Variants in ZC3H14 observed in about 807,000 individuals in gnomAD.
The protein encoded by ZC3H14 is zinc finger CCCH-type containing 14, also known as zinc finger CCCH domain-containing protein 14.
A neutral mutation model predicts 92.4 loss-of-function variants in ZC3H14; 31 were observed. The observed-to-expected ratio is 0.34, with a 90% CI of 0.25 to 0.45. The LOEUF (loss-of-function observed/expected upper bound fraction) is 0.45, where lower values mean the gene tolerates loss of function less well. Ranked by LOEUF, ZC3H14 falls within the 20% of genes least tolerant of loss-of-function variation. ZC3H14 has a pLI of 1.00. For missense variants in ZC3H14, 781 were observed against 897.3 expected (o/e 0.87, Z 1.66); for synonymous variants, 321 against 300.9 (o/e 1.07, Z -0.69).
intron 9 of ZC3H14, among the ~76,000 whole-genome samples, chr14:88,586,919 T>C (rs1254044950): frequency 1.3e-5 from 2 of 152,184 alleles, no homozygotes; most frequent in Admixed American, 6.5e-5. Flanking sequence ...TGTTTCTTTC[T>C]CCGTGTTGTA....
chr14:88,568,130 C>G lies in ZC3H14; in HGVS notation c.171C>G (p.Asn57Lys), dbSNP rs764670721. Residue 57 changes from asparagine to lysine, a missense_variant, in exon 3 of 17, where the codon AAC becomes AAG. Asn to Lys is a moderately conservative substitution (Grantham distance 94). Around this residue, in one of 3 missense-constraint regions of ZC3H14, gnomAD observed 106 missense variants for 154.2 expected, o/e 0.69. Transcript: ENST00000251038. ...MTEDLSLFLGNNTIRFTVWLH... is the reference protein window; with the variant it reads ...MTEDLSLFLGKNTIRFTVWLH... Reference sequence around the variant, plus strand: ...AGGATCTGTCCCTGTTTCTAGGGAACAACACAATTCGATTCACCGTATGGT... The same window carrying G: ...AGGATCTGTCCCTGTTTCTAGGGAAGAACACAATTCGATTCACCGTATGGT... 3.7e-6 allele frequency: 6 copies of G among 1,614,072 alleles called. No individual in the cohort carries two copies. The highest frequency in any genetic ancestry group is 5.1e-6 in the Non-Finnish European group (6 of 1,179,940).
At chr14:88,603,274 G>A (rs934663597) in intron 12 of ZC3H14, among the ~76,000 whole-genome samples, 5 of 152,044 alleles carry the variant, frequency 3.3e-5, no homozygotes, top group African/African-American at 1.2e-4. Flanking sequence ...GTTTGAAAAC[G>A]GAGTTCAGCC....
rs549961281 is a variant in ZC3H14, at chr14:88,571,228, G to T, written c.235+104G>T. The T allele has an allele frequency of 2.1e-5, 22 of 1,024,602 alleles. No individual in the cohort carries two copies. The South Asian group carries it at 3.8e-4, about 18-fold the overall frequency. The allele number at this position is 1,024,602 out of a possible 1,614,324, so 63.5% of individuals were successfully genotyped here. A position where few individuals can be genotyped will look rare whatever the true frequency, so the allele number is the denominator to read the frequency against. ...GGGAAAAACCCATCAATTTCAAAAC[G>T]GTTCATTTGAACTTTTTTAGAAAGC... On this transcript the variant is annotated intron_variant, in intron 4 of 16. Transcript: ENST00000251038.
At chr14:88,595,186 C>G in intron 9 of ZC3H14, 1 of 1,586,276 alleles carries the variant, frequency 6.3e-7, no homozygotes, top group Non-Finnish European at 8.5e-7. Context: ...TTGACTGTAG[C>G]TCTGATGTGG....
Position 88,563,637 on chromosome 14 carries a change from T to G in ZC3H14, c.37-14T>G. On this transcript the variant is annotated splice_polypyrimidine_tract_variant and intron_variant, in intron 1 of 16. Transcript: ENST00000251038. The stretch of plus-strand genomic sequence containing the variant: ...CCGCCTTTCTCACATGCACGTTTGC[T>G]CTTTTTCTCTCAGAGTGCCATTAAG... 6.2e-7 allele frequency: 1 copy of G among 1,614,160 alleles called. No homozygotes were observed. Among genetic ancestry groups the G allele is most frequent in the Non-Finnish European group, 8.5e-7 (1 of 1,179,950 alleles).
rs1010160305 is a variant in ZC3H14, at chr14:88,617,910, A to G, written c.*6159A>G. ...TAGCATTCCTTTAGATAGAGAATTAATAACAGTTGCTTAACAGCACCCAAT... is the reference window on the plus strand; with the variant it reads ...TAGCATTCCTTTAGATAGAGAATTAGTAACAGTTGCTTAACAGCACCCAAT... On this transcript the variant is annotated 3_prime_UTR_variant, in exon 17 of 17. Transcript: ENST00000251038. 2.2e-5 allele frequency: 4 copies of G among 184,886 alleles called. No homozygotes were observed. Among genetic ancestry groups the G allele is most frequent in the African/African-American group, 7.1e-5 (3 of 42,370 alleles). 11.5% of individuals were successfully genotyped at this position (184,886 alleles called of 1,614,324 possible).
At chr14:88,611,634 TTATGACCAAA>T in intron 16 of ZC3H14, 101 bp from the exon 17 acceptor site, 1 of 1,307,634 alleles carries the variant, frequency 7.6e-7, no homozygotes, top group Non-Finnish European at 1.1e-6. Flanking sequence ...TATTGTAATC[TTATGACCAAA>T]TATTTATTGC....
chr14:88,571,968 TAAATA>T, intron 4 of ZC3H14, 57 bp from the exon 5 acceptor site: 1 of 1,266,426 alleles, frequency 7.9e-7, no homozygotes, highest in Middle Eastern at 2.9e-4. Context: ...ATCTCAAAAA[TAAATA>T]AATAAATAAA....
intron 12 of ZC3H14, among the ~76,000 whole-genome samples, chr14:88,605,237 G>T (rs936305524): frequency 1.3e-5 from 2 of 152,096 alleles, no homozygotes; most frequent in Admixed American, 1.3e-4. Flanking sequence ...ACTTTGCGGG[G>T]ATGACACAAA....
Position 88,571,077 on chromosome 14 carries a change from T to C in ZC3H14, c.195-7T>C, listed in dbSNP as rs1566893161. On this transcript the variant is annotated splice_region_variant and splice_polypyrimidine_tract_variant and intron_variant, in intron 3 of 16. Coordinates refer to ENST00000251038, the MANE Select transcript of ZC3H14 (RefSeq NM_024824.5). ...GGTTTATTTTTGTTTTTTGTTTTTT[T>C]CCTCAGGCTTCATGGTGTATTAGAT... The C allele has an allele frequency of 1.3e-6, 2 of 1,532,960 alleles. No individual in the cohort carries two copies. Among genetic ancestry groups the C allele is most frequent in the South Asian group, 1.4e-5 (1 of 72,416 alleles). The allele number at this position is 1,532,960 out of a possible 1,614,324, so 95.0% of individuals were successfully genotyped here.
chr14:88,566,646 A>G (rs938031676), intron 2 of ZC3H14, among the ~76,000 whole-genome samples: 1 of 152,226 alleles, frequency 6.6e-6, no homozygotes, highest in Non-Finnish European at 1.5e-5. Context: ...TTGTCACAGC[A>G]TGGTGGTTCA....
chr14:88,590,697 G>C (rs2083024200), intron 9 of ZC3H14: 1 of 152,222 alleles, frequency 6.6e-6, no homozygotes, highest in Non-Finnish European at 1.5e-5. Context: ...CTTTTAGCAT[G>C]TATTTTTTTG....
chr14:88,605,586 G>A (rs1184905434), intron 12 of ZC3H14, among the ~76,000 whole-genome samples: 5 of 152,076 alleles, frequency 3.3e-5, no homozygotes, highest in African/African-American at 1.2e-4. Flanking sequence ...TGCCCGCCTC[G>A]GCCTCCCAAA....
chr14:88,565,448 T>G (rs373906309), intron 2 of ZC3H14, among the ~76,000 whole-genome samples: 1 of 152,202 alleles, frequency 6.6e-6, no homozygotes, highest in Admixed American at 6.5e-5. Context: ...GCCAACTCAA[T>G]GGCGATATTA....
At chr14:88,573,061 A>G (rs2080651152) in intron 6 of ZC3H14, 54 bp downstream of exon 6, 1 of 1,579,384 alleles carries the variant, frequency 6.3e-7, no homozygotes, top group Non-Finnish European at 8.7e-7. Context: ...AGTTCTTGAT[A>G]CCAAATAATA....
chr14:88,617,105 T>C lies in ZC3H14; in HGVS notation c.*5354T>C, dbSNP rs966790284. On this transcript the variant is annotated 3_prime_UTR_variant, in exon 17 of 17. Coordinates refer to ENST00000251038, the MANE Select transcript of ZC3H14 (RefSeq NM_024824.5). The stretch of plus-strand genomic sequence containing the variant: ...TGAAGGGTTTCTAGATTAATCTTTT[T>C]AAGATTAAAGTAGTACTTTATGAAA... 6 of 400,368 alleles carry C rather than the reference T, an allele frequency of 1.5e-5. No individual in the cohort carries two copies. The highest frequency in any genetic ancestry group is 2.2e-5 in the Non-Finnish European group (5 of 223,650). 24.8% of individuals were successfully genotyped at this position (400,368 alleles called of 1,614,324 possible). A position where few individuals can be genotyped will look rare whatever the true frequency, so the allele number is the denominator to read the frequency against.
At chr14:88,604,923 T>G (rs369701033) in intron 12 of ZC3H14, among the ~76,000 whole-genome samples, 6 of 152,162 alleles carry the variant, frequency 3.9e-5, no homozygotes, top group South Asian at 2.1e-4. Context: ...TGAATTTGCC[T>G]CTTAAAATTT....
At chr14:88,571,357 A>G (rs1317072944) in intron 4 of ZC3H14, among the ~76,000 whole-genome samples, 2 of 152,178 alleles carry the variant, frequency 1.3e-5, no homozygotes, top group African/African-American at 2.4e-5. Flanking sequence ...ATAATTACAT[A>G]TATGTGCAAA....
At chr14:88,571,491 T>A (rs1193859897) in intron 4 of ZC3H14, among the ~76,000 whole-genome samples, 1 of 152,192 alleles carries the variant, frequency 6.6e-6, no homozygotes, top group East Asian at 1.9e-4. Flanking sequence ...AATAATGTTG[T>A]GGAAGAATAA....
Sources: gnomAD v4.1 joint callset for allele counts (sites outside exome capture counted in the v4.1 genomes callset) on GRCh38, gnomAD v4.1.1 for gene constraint, gnomAD v4.1.1 regional missense constraint, MANE v1.5 for transcripts, NCBI Gene and HGNC (gene_info 2026-07-23, HGNC 2026-07-21) for gene names.